Variants in MACROD2 observed in about 807,000 individuals in gnomAD.
The protein encoded by MACROD2 is mono-ADP ribosylhydrolase 2.
A neutral mutation model predicts 70.4 loss-of-function variants in MACROD2; 36 were observed. The observed-to-expected ratio is 0.51, with a 90% CI of 0.39 to 0.68. The LOEUF is 0.68. Among genes scored for constraint, MACROD2 ranks in the 30% least tolerant of loss-of-function variants. MACROD2 has a pLI of 0.00. For missense variants in MACROD2, 496 were observed against 538.4 expected (o/e 0.92, Z 0.78); for synonymous variants, 172 against 178.8 (o/e 0.96, Z 0.30).
At chr20:16,030,499 T>A (rs1238992) in intron 15 of MACROD2, among the ~76,000 whole-genome samples, 34,277 of 152,078 alleles carry the variant, frequency 0.23, 3,955 homozygotes, top group South Asian at 0.32. Flanking sequence ...CAAGTGAGCA[T>A]GCAACCCAGT....
intron 5 of MACROD2, among the ~76,000 whole-genome samples, chr20:15,134,553 G>A (rs1254861501): frequency 6.6e-6 from 1 of 152,022 alleles, no homozygotes; most frequent in Non-Finnish European, 1.5e-5. Context: ...GAATCTCTGG[G>A]ACACATTCAA....
intron 3 of MACROD2, among the ~76,000 whole-genome samples, chr20:14,248,308 A>G (rs538655100): frequency 6.6e-6 from 1 of 152,298 alleles, no homozygotes; most frequent in African/African-American, 2.4e-5. Flanking sequence ...GTATATGGCC[A>G]GGCACAGTGG....
At chr20:15,137,724 A>T (rs1292095617) in intron 5 of MACROD2, among the ~76,000 whole-genome samples, 1 of 152,082 alleles carries the variant, frequency 6.6e-6, no homozygotes, top group Admixed American at 6.6e-5. Context: ...ATAAAAAAAA[A>T]TAATAATCTT....
intron 5 of MACROD2, among the ~76,000 whole-genome samples, chr20:14,997,607 T>A (rs1257175112): frequency 2.6e-5 from 4 of 152,212 alleles, no homozygotes; most frequent in Non-Finnish European, 5.9e-5. Flanking sequence ...TGTAGATTCC[T>A]AAAGTTCCCA....
At chr20:14,247,101 A>G (rs1429949297) in intron 3 of MACROD2, among the ~76,000 whole-genome samples, 1 of 152,186 alleles carries the variant, frequency 6.6e-6, no homozygotes, top group Non-Finnish European at 1.5e-5. Flanking sequence ...TAACTAAATC[A>G]CTAACTTTGG....
Position 15,462,119 on chromosome 20 carries a change from T to C in MACROD2, c.571+30684T>C, listed in dbSNP as rs547840200. 1.4e-4 allele frequency among the ~76,000 whole-genome samples: 21 copies of C among 152,324 alleles called. 1 individual carries two copies. In the South Asian group the frequency reaches 4.4e-3, roughly 32 times the overall value. ...ATGTCTGTAAGAGCTACGTGGAATC[T>C]AGTTTCCAGATGGAATTCCCTTCTT... On this transcript the variant is annotated intron_variant, in intron 7 of 17. Coordinates refer to ENST00000684519, the MANE Select transcript of MACROD2 (RefSeq NM_001351661.2).
chr20:16,035,092 AATATTATATATT>A lies in MACROD2; in HGVS notation c.1154-6104_1154-6093del, dbSNP rs1568725751. On this transcript the variant is annotated intron_variant, in intron 15 of 17. Transcript: ENST00000684519. Reference sequence around the variant, plus strand: ...ATATAAAATATAATATGTAATATAAAATATTATATATTATATATAAAATATAATATAAAATAT... The same window carrying A: ...ATATAAAATATAATATGTAATATAAAATATATAAAATATAATATAAAATAT... Among the ~76,000 whole-genome samples, 32 of 38,088 alleles carry A rather than the reference AATATTATATATT, an allele frequency of 8.4e-4. 3 individuals carry two copies. The highest frequency in any genetic ancestry group is 1.6e-3 in the African/African-American group (29 of 18,254). The allele number at this position is 38,088 out of a possible 152,430, so 25.0% of individuals were successfully genotyped here.
chr20:16,009,851 A>G (rs976991951), intron 15 of MACROD2, among the ~76,000 whole-genome samples: 1 of 152,190 alleles, frequency 6.6e-6, no homozygotes, highest in South Asian at 2.1e-4. Flanking sequence ...CGCCCATCCT[A>G]TTGAAAAACT....
intron 8 of MACROD2, among the ~76,000 whole-genome samples, chr20:15,772,102 ATATATAT>A (rs1170632286): frequency 4.0e-4 from 31 of 77,514 alleles, no homozygotes; most frequent in African/African-American, 1.7e-3. Context: ...AAAAAAAAAA[ATATATAT>A]ATATATATAT....
chr20:15,933,731 C>T (rs914787505), intron 11 of MACROD2, among the ~76,000 whole-genome samples: 48 of 152,172 alleles, frequency 3.2e-4, no homozygotes, highest in Non-Finnish European at 1.0e-4. Context: ...TTGGCCTGCA[C>T]AGTGAGTAGA....
intron 3 of MACROD2, among the ~76,000 whole-genome samples, chr20:14,131,563 T>G (rs2054718554): frequency 6.6e-6 from 1 of 152,214 alleles, no homozygotes; most frequent in Non-Finnish European, 1.5e-5. Context: ...GTTTAAATGT[T>G]CCACTTGAAA....
At chr20:15,279,558 G>A (rs577509459) in intron 6 of MACROD2, among the ~76,000 whole-genome samples, 16 of 152,316 alleles carry the variant, frequency 1.1e-4, no homozygotes, top group African/African-American at 2.9e-4. Flanking sequence ...ACTTGAGGAA[G>A]TTGGTGAGAA....
At chr20:15,888,611 G>A (rs534558110) in intron 10 of MACROD2, among the ~76,000 whole-genome samples, 1 of 152,242 alleles carries the variant, frequency 6.6e-6, no homozygotes, top group African/African-American at 2.4e-5. Flanking sequence ...CAGCATTTGA[G>A]GTTCAGCGGC....
chr20:14,729,693 C>T (rs1254575163), intron 5 of MACROD2, among the ~76,000 whole-genome samples: 1 of 151,950 alleles, frequency 6.6e-6, no homozygotes, highest in Admixed American at 6.6e-5. Context: ...TGATTTATAG[C>T]AGAAAATGAG....
At chr20:15,404,288 C>T (rs148767278) in intron 6 of MACROD2, among the ~76,000 whole-genome samples, 1 of 152,212 alleles carries the variant, frequency 6.6e-6, no homozygotes, top group African/African-American at 2.4e-5. Flanking sequence ...GCTGTTTTCT[C>T]AATATCTTAT....
At chr20:15,829,813 C>T (rs923400488) in intron 8 of MACROD2, among the ~76,000 whole-genome samples, 4 of 152,214 alleles carry the variant, frequency 2.6e-5, no homozygotes, top group Admixed American at 2.0e-4. Flanking sequence ...ATAAGTGTTA[C>T]AGCTGAGCTA....
intron 8 of MACROD2, among the ~76,000 whole-genome samples, chr20:15,554,130 G>A (rs1331464592): frequency 6.6e-6 from 1 of 152,178 alleles, no homozygotes; most frequent in Non-Finnish European, 1.5e-5. Flanking sequence ...AGAGATGTAG[G>A]AGTTAGAATA....
At chr20:15,501,185 A>G (rs1390362808) in intron 8 of MACROD2, among the ~76,000 whole-genome samples, 1 of 152,242 alleles carries the variant, frequency 6.6e-6, no homozygotes, top group African/African-American at 2.4e-5. Context: ...AAAGCCAGTT[A>G]TCTTCAATAT....
At chr20:14,327,367 C>T (rs1373130409) in intron 3 of MACROD2, 2 of 1,613,614 alleles carry the variant, frequency 1.2e-6, no homozygotes, top group East Asian at 2.2e-5. Context: ...TGTCAGAAAG[C>T]GATCATTACA....
Sources: gnomAD v4.1 joint callset for allele counts (sites outside exome capture counted in the v4.1 genomes callset) on GRCh38, gnomAD v4.1.1 for gene constraint, MANE v1.5 for transcripts, NCBI Gene and HGNC (gene_info 2026-07-23, HGNC 2026-07-21) for gene names.